The following EZR variants were observed in gnomAD, a reference collection of about 807,000 sequenced individuals.
EZR encodes the protein ezrin.
A neutral mutation model predicts 74.8 loss-of-function variants in EZR; 40 were observed. That is an observed-to-expected ratio of 0.53 (90% CI 0.42 to 0.70). The LOEUF is 0.70. Ranked by LOEUF, EZR falls within the 30% of genes least tolerant of loss-of-function variation. EZR has a pLI of 0.00. For missense variants in EZR, 678 were observed against 755.8 expected (o/e 0.90, Z 1.21); for synonymous variants, 341 against 283.3 (o/e 1.20, Z -2.05).
intron 2 of EZR, among the ~76,000 whole-genome samples, chr6:158,796,296 G>C (rs1777068542): frequency 6.6e-6 from 1 of 152,218 alleles, no homozygotes; most frequent in Non-Finnish European, 1.5e-5. Flanking sequence ...GACATGCAAG[G>C]TGTTAAACCC....
intron 7 of EZR, among the ~76,000 whole-genome samples, chr6:158,781,356 G>GCT (rs1401932488): frequency 6.6e-6 from 1 of 152,186 alleles, no homozygotes; most frequent in African/African-American, 2.4e-5. Flanking sequence ...ACCCCAGCAT[G>GCT]CTCTGTGGGG....
In EZR at chr6:158,791,667, CA is replaced by C. The variant is rs111281769; in HGVS notation, c.13-2297del. On this transcript the variant is annotated intron_variant, in intron 2 of 13. Transcript: ENST00000367075. ...GGCCACTGTCTGGTTAGGACAAAGA[CA>C]AATGACCAGAGTCCATGCACACGAG... is the stretch of plus-strand genomic sequence containing the variant. Among the ~76,000 whole-genome samples the C allele has an allele frequency of 5.2e-3, 772 of 148,324 alleles. 4 individuals carry two copies. Among genetic ancestry groups the C allele is most frequent in the African/African-American group, 0.018 (731 of 40,236 alleles).
chr6:158,818,842 AG>A, intron 1 of EZR, among the ~76,000 whole-genome samples: 1 of 6,112 alleles, frequency 1.6e-4, no homozygotes, highest in Non-Finnish European at 3.0e-4. Flanking sequence ...GAGGGGGCAC[AG>A]GGCGGGCGGG....
chr6:158,816,914 C>CCT (rs958123296), intron 2 of EZR, among the ~76,000 whole-genome samples: 26 of 152,036 alleles, frequency 1.7e-4, no homozygotes, highest in Non-Finnish European at 2.4e-4. Context: ...GGTGAAACCC[C>CCT]CTCTCTATAA....
chr6:158,811,126 T>C (rs1452816834), intron 2 of EZR, among the ~76,000 whole-genome samples: 1 of 152,196 alleles, frequency 6.6e-6, no homozygotes, highest in Non-Finnish European at 1.5e-5. Flanking sequence ...TCTGGAAAAA[T>C]CTTTTTATGT....
chr6:158,798,622 CTTTT>C (rs147757313), intron 2 of EZR, among the ~76,000 whole-genome samples: 14,605 of 122,262 alleles, frequency 0.12, 918 homozygotes, highest in Middle Eastern at 0.18. Flanking sequence ...TGCTGCTCCG[CTTTT>C]TTTTTTTTTT....
In EZR at chr6:158,767,028, G is replaced by C; in HGVS notation, c.1647C>G (p.His549Gln). 6.2e-7 allele frequency: 1 copy of C among 1,614,202 alleles called. No individual in the cohort carries two copies. The highest frequency in any genetic ancestry group is 1.1e-5 in the South Asian group (1 of 91,084). Residue 549 changes from histidine to glutamine, a missense_variant, in exon 14 of 14, where the codon CAC (histidine) becomes CAG (glutamine). This residue lies in a region of EZR where 342 missense variants were observed against 341.2 expected (regional missense o/e 1.00). Transcript: ENST00000367075. ...SQARDENKRT[H>Q]NDIIHNENMR... ...TGTTCTCGTTGTGGATGATGTCATT[G>C]TGGGTCCTCTTATTCTCATCTCGGG... is the stretch of plus-strand genomic sequence containing the variant.
chr6:158,787,489 G>C (rs529942192), intron 3 of EZR, among the ~76,000 whole-genome samples: 31 of 152,218 alleles, frequency 2.0e-4, no homozygotes, highest in Non-Finnish European at 4.1e-4. Context: ...TGTACTCCAG[G>C]ATGCTCTCCT....
chr6:158,794,371 A>G (rs1353083840), intron 2 of EZR, among the ~76,000 whole-genome samples: 2 of 152,062 alleles, frequency 1.3e-5, no homozygotes, highest in African/African-American at 4.8e-5. Flanking sequence ...CTAAATCCCA[A>G]CTTTCCATTT....
chr6:158,804,831 T>G (rs919785284), intron 2 of EZR, among the ~76,000 whole-genome samples: 1 of 151,412 alleles, frequency 6.6e-6, no homozygotes, highest in Non-Finnish European at 1.5e-5. Flanking sequence ...GTTACATATG[T>G]ATACATGTGC....
At chr6:158,774,795 G>A (rs187885931) in intron 8 of EZR, among the ~76,000 whole-genome samples, 20 of 151,748 alleles carry the variant, frequency 1.3e-4, no homozygotes, top group Admixed American at 2.6e-4. Context: ...AGGCAGTAGC[G>A]TCACAGAGTA....
chr6:158,781,033 T>C (rs1366185905), intron 7 of EZR, among the ~76,000 whole-genome samples: 2 of 152,104 alleles, frequency 1.3e-5, no homozygotes, highest in African/African-American at 2.4e-5. Flanking sequence ...ACTTGCAGAG[T>C]ATAAATCTCT....
chr6:158,813,618 T>C (rs908856149), intron 2 of EZR, among the ~76,000 whole-genome samples: 2 of 152,238 alleles, frequency 1.3e-5, no homozygotes, highest in African/African-American at 4.8e-5. Flanking sequence ...GGGGAGTACA[T>C]TCAGTAAACT....
chr6:158,809,973 T>C (rs73013619), intron 2 of EZR, among the ~76,000 whole-genome samples: 95 of 152,306 alleles, frequency 6.2e-4, no homozygotes, highest in Middle Eastern at 3.4e-3. Context: ...ATTTACAGTA[T>C]CTGAAATGAC....
intron 7 of EZR, among the ~76,000 whole-genome samples, chr6:158,781,428 C>G (rs1051207008): frequency 1.3e-5 from 2 of 152,174 alleles, no homozygotes; most frequent in South Asian, 4.1e-4. Flanking sequence ...GGGAGCAGAG[C>G]GCAAAAACAG....
At chr6:158,817,369 C>CA (rs1163483784) in intron 2 of EZR, among the ~76,000 whole-genome samples, 1 of 152,216 alleles carries the variant, frequency 6.6e-6, no homozygotes, top group Non-Finnish European at 1.5e-5. Context: ...AATCTCAACA[C>CA]AATCAGATTC....
In EZR at chr6:158,784,657, G is replaced by A. The variant is rs3103004; in HGVS notation, c.538C>T (p.Arg180Cys). ...DRIQVWHAEH[R>C]GMLKDNAMLE... ...CACAGCACTCACTTGAGCATCCCAC[G>A]GTGTTCCGCATGCCACACCTGGATC... The change falls in exon 6 of 14, where the codon CGT (arginine) becomes TGT (cysteine). Residue 180 changes from arginine (R) to cysteine (C), a missense_variant. Physicochemically the swap from Arg to Cys is radical, Grantham distance 180. This residue lies in a region of EZR where 217 missense variants were observed against 232.2 expected (regional missense o/e 0.93). Transcript: ENST00000367075. The A allele has an allele frequency of 5.0e-4, 803 of 1,613,978 alleles. No homozygotes were observed. Among genetic ancestry groups the A allele is most frequent in the Non-Finnish European group, 6.1e-4 (721 of 1,179,956 alleles).
At chr6:158,778,083 G>A (rs1303879711) in intron 7 of EZR, among the ~76,000 whole-genome samples, 3 of 152,232 alleles carry the variant, frequency 2.0e-5, no homozygotes, top group African/African-American at 7.2e-5. Context: ...GGCTGTGAAA[G>A]TGGCACCAGG....
At chr6:158,797,342 T>C (rs1562501468) in intron 2 of EZR, among the ~76,000 whole-genome samples, 3 of 152,238 alleles carry the variant, frequency 2.0e-5, no homozygotes, top group East Asian at 1.9e-4. Flanking sequence ...AGGAAAACCA[T>C]GTAAAATAAG....
Sources: gnomAD v4.1 joint callset for allele counts (sites outside exome capture counted in the v4.1 genomes callset) on GRCh38, gnomAD v4.1.1 for gene constraint, gnomAD v4.1.1 regional missense constraint, MANE v1.5 for transcripts, NCBI Gene and HGNC (gene_info 2026-07-23, HGNC 2026-07-21) for gene names.